The following MAP4 variants were observed in gnomAD, a reference collection of about 807,000 sequenced individuals.
The protein encoded by MAP4 is microtubule-associated protein 4.
A neutral mutation model predicts 170.2 loss-of-function variants in MAP4; 76 were observed. The observed-to-expected ratio is 0.45, with a 90% CI of 0.37 to 0.54. The LOEUF is 0.54. MAP4 is among the 20% of genes least tolerant of loss of function. The pLI is 0.00. For synonymous variants in MAP4, 909 were observed against 994.5 expected, an observed-to-expected ratio of 0.91 and a Z score of 1.62; for missense variants, 2,506 against 2,748.0, an observed-to-expected ratio of 0.91 and a Z score of 1.97.
At chr3:47,986,956 T>C (rs1057129857) in intron 2 of MAP4, among the ~76,000 whole-genome samples, 1 of 152,178 alleles carries the variant, frequency 6.6e-6, no homozygotes, top group Admixed American at 6.5e-5. Flanking sequence ...CTGAATAAAC[T>C]GACAAACAAA....
chr3:48,048,111 TAA>T (rs1188319753), intron 1 of MAP4, among the ~76,000 whole-genome samples: 3 of 151,926 alleles, frequency 2.0e-5, no homozygotes, highest in Non-Finnish European at 4.4e-5. Context: ...TCCCATCTTT[TAA>T]AAAGAGAGAG....
At chr3:47,900,232 G>A (rs747625036) in intron 10 of MAP4, among the ~76,000 whole-genome samples, 1 of 152,110 alleles carries the variant, frequency 6.6e-6, no homozygotes, top group South Asian at 2.1e-4. Context: ...GGAAGTAAAC[G>A]TTCCAAGTGT....
At chr3:47,929,463 A>G (rs1299313556) in intron 3 of MAP4, among the ~76,000 whole-genome samples, 1 of 152,070 alleles carries the variant, frequency 6.6e-6, no homozygotes, top group East Asian at 1.9e-4. Context: ...TCAACTGGCT[A>G]TCTACAAACA....
At chr3:48,048,055 T>C (rs753186411) in intron 1 of MAP4, among the ~76,000 whole-genome samples, 8 of 152,180 alleles carry the variant, frequency 5.3e-5, no homozygotes, top group South Asian at 4.1e-4. Flanking sequence ...CAATGAGCTA[T>C]GATTATGCCT....
chr3:47,873,111 A>G (rs996716508), intron 12 of MAP4, among the ~76,000 whole-genome samples: 2 of 152,232 alleles, frequency 1.3e-5, no homozygotes, highest in Admixed American at 6.5e-5. Flanking sequence ...CAGGAAATAA[A>G]GGATGAAAGG....
intron 3 of MAP4, among the ~76,000 whole-genome samples, chr3:47,968,226 C>T (rs1293704311): frequency 2.0e-5 from 3 of 152,202 alleles, no homozygotes; most frequent in South Asian, 2.1e-4. Flanking sequence ...AGAATACCAA[C>T]GAGGAAAGAG....
At chr3:48,015,783 C>G (rs1233270408) in intron 1 of MAP4, among the ~76,000 whole-genome samples, 1 of 152,180 alleles carries the variant, frequency 6.6e-6, no homozygotes, top group Non-Finnish European at 1.5e-5. Context: ...AGGATGTCTA[C>G]AGGAATCAAC....
chr3:47,870,571 C>A (rs1047287463), intron 15 of MAP4, among the ~76,000 whole-genome samples: 1 of 152,186 alleles, frequency 6.6e-6, no homozygotes, highest in Non-Finnish European at 1.5e-5. Context: ...TAAACTCAGA[C>A]CCCAACATCT....
chr3:47,901,956 T>C (rs2100030276), intron 10 of MAP4, among the ~76,000 whole-genome samples: 1 of 151,950 alleles, frequency 6.6e-6, no homozygotes, highest in Admixed American at 6.6e-5. Flanking sequence ...GGCCAGAAGT[T>C]TGAGACTAGC....
At chr3:47,866,198 G>C (rs1171767879) in intron 17 of MAP4, among the ~76,000 whole-genome samples, 2 of 151,450 alleles carry the variant, frequency 1.3e-5, no homozygotes, top group Non-Finnish European at 2.9e-5. Context: ...TTAGCTGGGC[G>C]TGGTGGCGCA....
chr3:48,046,833 G>A (rs2100124805), intron 1 of MAP4, among the ~76,000 whole-genome samples: 1 of 152,150 alleles, frequency 6.6e-6, no homozygotes, highest in Non-Finnish European at 1.5e-5. Context: ...GGTGGCTCAC[G>A]CCTGTAATCC....
intron 1 of MAP4, among the ~76,000 whole-genome samples, chr3:48,049,740 G>A (rs1280982470): frequency 6.6e-6 from 1 of 152,028 alleles, no homozygotes; most frequent in African/African-American, 2.4e-5. Flanking sequence ...AGACCAGCCT[G>A]GCCAACATAG....
intron 10 of MAP4, among the ~76,000 whole-genome samples, chr3:47,896,008 TG>T (rs1056309272): frequency 3.4e-5 from 5 of 149,026 alleles, no homozygotes; most frequent in Non-Finnish European, 3.0e-5. Context: ...CAATCTGGGG[TG>T]GGGGGGCGGT....
intron 10 of MAP4, among the ~76,000 whole-genome samples, chr3:47,889,023 T>C (rs1393573488): frequency 1.3e-5 from 2 of 152,160 alleles, no homozygotes; most frequent in Non-Finnish European, 2.9e-5. Flanking sequence ...CCCTGACATA[T>C]ATGGTGGTAA....
In MAP4 at chr3:47,978,647, A is replaced by T. The variant is rs147548447; in HGVS notation, c.224-714T>A. On this transcript the variant is annotated intron_variant, in intron 2 of 20. Coordinates refer to ENST00000683076, the MANE Select transcript of MAP4 (RefSeq NM_001385682.1). Reference sequence around the variant, plus strand: ...ATTTATTAATTACTTATTAATTCCCACACAGGAAATCCAGGGTACCATCAT... The same window carrying T: ...ATTTATTAATTACTTATTAATTCCCTCACAGGAAATCCAGGGTACCATCAT... Among the ~76,000 whole-genome samples, 27 of 151,922 alleles carry T rather than the reference A, an allele frequency of 1.8e-4. No individual in the cohort carries two copies. The East Asian group carries it at 5.0e-3, about 28-fold the overall frequency.
intron 17 of MAP4, among the ~76,000 whole-genome samples, chr3:47,866,262 G>C (rs766131261): frequency 4.6e-5 from 7 of 151,902 alleles, no homozygotes; most frequent in Non-Finnish European, 1.0e-4. Flanking sequence ...GACTGACCCT[G>C]GTAGGTGGAG....
At chr3:47,883,741 A>G (rs1295195947) in intron 10 of MAP4, among the ~76,000 whole-genome samples, 1 of 151,990 alleles carries the variant, frequency 6.6e-6, no homozygotes, top group Non-Finnish European at 1.5e-5. Flanking sequence ...AATAATTTGC[A>G]GTTGACAGTT....
rs557419312 is a variant in MAP4 at position 47,916,799 on chromosome 3, G to T, written c.1028C>A (p.Ala343Asp). The change falls in exon 7 of 21, where the codon GCC becomes GAC. Residue 343 changes from alanine (A) to aspartate (D), a missense_variant. Ala to Asp is a moderately radical substitution (Grantham distance 126, BLOSUM62 -2). Transcript: ENST00000683076. ...CAACAGTGTCACATCCTTGGCTGGG[G>T]CTACCTCTGTTTCTGTGGGCAGTAC... ...NVVLPTETEV[A>D]PAKDVTLLKE... The T allele has an allele frequency of 1.2e-6, 2 of 1,614,204 alleles. No individual in the cohort carries two copies. The highest frequency in any genetic ancestry group is 1.3e-5 in the African/African-American group (1 of 75,052).
At chr3:47,858,613 G>GTA (rs1356215151) in intron 17 of MAP4, among the ~76,000 whole-genome samples, 1 of 135,860 alleles carries the variant, frequency 7.4e-6, no homozygotes, top group African/African-American at 3.1e-5. Context: ...GTGTGTGTGT[G>GTA]TGCGCGTTGT....
Sources: allele counts gnomAD v4.1 joint callset (sites outside exome capture counted in the v4.1 genomes callset), GRCh38; gene constraint gnomAD v4.1.1; transcripts MANE v1.5; gene names NCBI Gene and HGNC (gene_info 2026-07-23, HGNC 2026-07-21).